Variants in IQCM observed in about 807,000 individuals in gnomAD.
IQCM encodes the protein IQ motif containing M, also known as IQ domain-containing protein M.
A neutral mutation model predicts 57.6 loss-of-function variants in IQCM; 45 were observed. That is an observed-to-expected ratio of 0.78 (90% CI 0.62 to 1.00). The LOEUF (loss-of-function observed/expected upper bound fraction) is 1.00, where lower values mean the gene tolerates loss of function less well. IQCM is among the 50% of genes least tolerant of loss of function. The pLI, the probability that IQCM is intolerant of heterozygous loss-of-function variation, is 0.00. For synonymous variants in IQCM, 148 were observed against 158.9 expected, an observed-to-expected ratio of 0.93 and a Z score of 0.51; for missense variants, 468 against 511.6, an observed-to-expected ratio of 0.91 and a Z score of 0.82.
chr4:149,632,749 A>G (rs72726161), intron 7 of IQCM, among the ~76,000 whole-genome samples: 4,785 of 152,322 alleles, frequency 0.031, 112 homozygotes, highest in Non-Finnish European at 0.048. Context: ...TATGAACTGT[A>G]TATGATTGGT....
At chr4:149,469,731 G>A (rs374922002) in intron 12 of IQCM, among the ~76,000 whole-genome samples, 66 of 152,190 alleles carry the variant, frequency 4.3e-4, no homozygotes, top group African/African-American at 1.4e-3. Context: ...GAGAAAGGTC[G>A]GGTTACCCAC....
chr4:149,425,329 A>C (rs1359809660), intron 13 of IQCM, among the ~76,000 whole-genome samples: 1 of 152,034 alleles, frequency 6.6e-6, no homozygotes, highest in Non-Finnish European at 1.5e-5. Context: ...CATTGCAAAG[A>C]CCAAGAAGTC....
chr4:149,651,657 T>C (rs1304643331), intron 7 of IQCM, among the ~76,000 whole-genome samples: 1 of 152,066 alleles, frequency 6.6e-6, no homozygotes, highest in Non-Finnish European at 1.5e-5. Context: ...TAAAAAGATA[T>C]GACTGATGAA....
intron 13 of IQCM, among the ~76,000 whole-genome samples, chr4:149,385,181 C>T (rs1443284037): frequency 6.6e-6 from 1 of 152,050 alleles, no homozygotes; most frequent in Non-Finnish European, 1.5e-5. Flanking sequence ...TTTTAATCTG[C>T]CTCCATATTC....
chr4:149,482,347 G>C (rs886547825), intron 12 of IQCM, among the ~76,000 whole-genome samples: 4 of 151,918 alleles, frequency 2.6e-5, no homozygotes, highest in Non-Finnish European at 4.4e-5. Flanking sequence ...AGGCATCCTT[G>C]TCATGTTCCA....
chr4:149,372,685 G>A (rs557985295), intron 13 of IQCM, among the ~76,000 whole-genome samples: 1 of 152,008 alleles, frequency 6.6e-6, no homozygotes, highest in Non-Finnish European at 1.5e-5. Context: ...AAGTTTTCCA[G>A]TTATGGCTTT....
chr4:149,781,988 A>AT (rs146781968), intron 2 of IQCM, among the ~76,000 whole-genome samples: 3 of 150,112 alleles, frequency 2.0e-5, no homozygotes, highest in Non-Finnish European at 4.5e-5. Flanking sequence ...GTAAGACAAT[A>AT]TTTTTTTTTT....
chr4:149,738,625 G>C (rs551173405), intron 3 of IQCM, among the ~76,000 whole-genome samples: 1 of 152,208 alleles, frequency 6.6e-6, no homozygotes, highest in Admixed American at 6.5e-5. Flanking sequence ...TGAGATTACT[G>C]AGCAGAACAA....
intron 13 of IQCM, among the ~76,000 whole-genome samples, chr4:149,352,791 T>C (rs1198020702): frequency 1.3e-5 from 2 of 152,204 alleles, no homozygotes; most frequent in Non-Finnish European, 2.9e-5. Flanking sequence ...ATTGGTTGTA[T>C]AGATCCATCT....
At chr4:149,597,254 A>G (rs1753862130) in intron 8 of IQCM, among the ~76,000 whole-genome samples, 1 of 152,156 alleles carries the variant, frequency 6.6e-6, no homozygotes, top group Non-Finnish European at 1.5e-5. Flanking sequence ...ATAAAAAAAC[A>G]CCTAGGTTGC....
At chr4:149,514,626 C>T (rs980555395) in intron 12 of IQCM, 1 of 152,240 alleles carries the variant, frequency 6.6e-6, no homozygotes, top group African/African-American at 2.4e-5. Context: ...CAGCTATACG[C>T]TGCAGGTTGT....
At chr4:149,805,042 T>G (rs1463139064) in intron 2 of IQCM, among the ~76,000 whole-genome samples, 26 of 152,030 alleles carry the variant, frequency 1.7e-4, no homozygotes, top group Admixed American at 1.7e-3. Flanking sequence ...GAAAAGCCAG[T>G]TGTGAAGTGT....
At chr4:149,626,204 A>G (rs966807047) in intron 7 of IQCM, among the ~76,000 whole-genome samples, 8 of 151,668 alleles carry the variant, frequency 5.3e-5, no homozygotes, top group Admixed American at 6.6e-5. Context: ...AAAATATGAA[A>G]AGAGACACTG....
intron 12 of IQCM, among the ~76,000 whole-genome samples, chr4:149,532,891 T>G (rs1433920296): frequency 6.6e-6 from 1 of 151,630 alleles, no homozygotes; most frequent in Non-Finnish European, 1.5e-5. Flanking sequence ...TAGTAATAAG[T>G]GGAATGAAAG....
chr4:149,420,553 G>A (rs528951717), intron 13 of IQCM, among the ~76,000 whole-genome samples: 189 of 152,064 alleles, frequency 1.2e-3, no homozygotes, highest in Middle Eastern at 3.4e-3. Flanking sequence ...GTGATGGGTT[G>A]ATAGGTGCAG....
intron 7 of IQCM, among the ~76,000 whole-genome samples, chr4:149,659,497 A>C (rs1390975785): frequency 2.0e-5 from 3 of 152,152 alleles, no homozygotes; most frequent in East Asian, 1.9e-4. Context: ...GATCATATGA[A>C]ACCAAAAAAG....
intron 2 of IQCM, among the ~76,000 whole-genome samples, chr4:149,774,711 G>A (rs1052604952): frequency 1.3e-5 from 2 of 149,628 alleles, no homozygotes; most frequent in African/African-American, 2.5e-5. Flanking sequence ...GTACGAGGGA[G>A]CTTCTTCCTT....
intron 13 of IQCM, among the ~76,000 whole-genome samples, chr4:149,400,212 T>TG (rs1732518729): frequency 6.6e-6 from 1 of 152,056 alleles, no homozygotes; most frequent in Non-Finnish European, 1.5e-5. Context: ...GGTTTTTTTT[T>TG]TTTGTTTGGG....
At chr4:149,695,903 T>C (rs1763300867) in intron 5 of IQCM, among the ~76,000 whole-genome samples, 1 of 152,196 alleles carries the variant, frequency 6.6e-6, no homozygotes, top group African/African-American at 2.4e-5. Flanking sequence ...GGCTGAGATT[T>C]GTTAATGGTT....
Sources: allele counts gnomAD v4.1 joint callset (sites outside exome capture counted in the v4.1 genomes callset), GRCh38; gene constraint gnomAD v4.1.1; transcripts MANE v1.5; gene names NCBI Gene and HGNC (gene_info 2026-07-23, HGNC 2026-07-21).